The following SIPA1L1 variants were observed in gnomAD, a reference collection of about 807,000 sequenced individuals.
The protein encoded by SIPA1L1 is signal-induced proliferation-associated 1-like protein 1.
In SIPA1L1, 26 loss-of-function variants were observed where a neutral mutation model predicts 162.7. The ratio of observed to expected loss-of-function variants is 0.16; its 90% CI spans 0.12 to 0.22. The LOEUF (loss-of-function observed/expected upper bound fraction) is 0.22. Among genes scored for constraint, SIPA1L1 ranks in the 10% least tolerant of loss-of-function variants. The pLI is 1.00. For synonymous variants in SIPA1L1, 829 were observed against 837.4 expected (o/e 0.99, Z 0.17); for missense variants, 1,874 against 2,241.0 (o/e 0.84, Z 3.31).
intron 2 of SIPA1L1, among the ~76,000 whole-genome samples, chr14:71,383,864 A>G (rs1042642240): frequency 6.6e-6 from 1 of 152,148 alleles, no homozygotes; most frequent in African/African-American, 2.4e-5. Context: ...ACACATTTCA[A>G]CAGGAGATTT....
At chr14:71,565,274 T>G (rs1373481207) in intron 4 of SIPA1L1, among the ~76,000 whole-genome samples, 1 of 152,166 alleles carries the variant, frequency 6.6e-6, no homozygotes, top group Admixed American at 6.5e-5. Flanking sequence ...GGGTCAGGTG[T>G]TGTTTTTGTT....
intron 2 of SIPA1L1, among the ~76,000 whole-genome samples, chr14:71,480,183 A>G (rs2048234964): frequency 6.6e-6 from 1 of 151,628 alleles, no homozygotes; most frequent in Non-Finnish European, 1.5e-5. Flanking sequence ...CCCAGGTTCA[A>G]GCGATTCTCC....
intron 2 of SIPA1L1, among the ~76,000 whole-genome samples, chr14:71,495,111 C>G (rs2049631690): frequency 6.6e-6 from 1 of 152,120 alleles, no homozygotes; most frequent in Admixed American, 6.6e-5. Flanking sequence ...TTGTAATGCT[C>G]TTGTCTGGCT....
intron 4 of SIPA1L1, among the ~76,000 whole-genome samples, chr14:71,541,487 C>T (rs1595986366): frequency 6.6e-6 from 1 of 152,168 alleles, no homozygotes; most frequent in Non-Finnish European, 1.5e-5. Flanking sequence ...CAGCCAGAAG[C>T]GGCAGCTCAT....
chr14:71,473,708 G>A, intron 2 of SIPA1L1, among the ~76,000 whole-genome samples: 1 of 152,126 alleles, frequency 6.6e-6, no homozygotes, highest in Non-Finnish European at 1.5e-5. Context: ...TTATATAATG[G>A]TACTTTAAAA....
intron 12 of SIPA1L1, among the ~76,000 whole-genome samples, chr14:71,682,651 A>G (rs1034087369): frequency 2.0e-5 from 3 of 152,260 alleles, no homozygotes; most frequent in Non-Finnish European, 4.4e-5. Context: ...TGGGGAAGAC[A>G]GCGTCTTTGG....
At chr14:71,502,257 T>A (rs1364143200) in intron 2 of SIPA1L1, among the ~76,000 whole-genome samples, 6,021 of 94,464 alleles carry the variant, frequency 0.064, 136 homozygotes, top group Non-Finnish European at 0.097. Context: ...AAAAAAAAAA[T>A]ATATATATAT....
chr14:71,434,235 C>G (rs2044211162), intron 2 of SIPA1L1, among the ~76,000 whole-genome samples: 1 of 152,066 alleles, frequency 6.6e-6, no homozygotes, highest in African/African-American at 2.4e-5. Flanking sequence ...GACCTGAAAT[C>G]TAGTAGATGA....
At chr14:71,452,430 C>A (rs554736400) in intron 2 of SIPA1L1, among the ~76,000 whole-genome samples, 1 of 152,108 alleles carries the variant, frequency 6.6e-6, no homozygotes, top group Non-Finnish European at 1.5e-5. Flanking sequence ...TACTGAACAT[C>A]TGTTTTTGTT....
chr14:71,678,102 TTCC>T (rs1004910020), intron 12 of SIPA1L1, among the ~76,000 whole-genome samples: 4 of 152,182 alleles, frequency 2.6e-5, no homozygotes, highest in African/African-American at 9.7e-5. Flanking sequence ...ACAATTTGAC[TTCC>T]TCTTTTCCTA....
chr14:71,527,649 A>G (rs1349769147), intron 3 of SIPA1L1, among the ~76,000 whole-genome samples: 2 of 152,224 alleles, frequency 1.3e-5, no homozygotes, highest in African/African-American at 4.8e-5. Flanking sequence ...AAGCTTATTA[A>G]CTATAATGAA....
rs530714226 is a variant in SIPA1L1, at chr14:71,590,738, C to A, written c.1498+1368C>A. Among the ~76,000 whole-genome samples the A allele has an allele frequency of 3.3e-5, 5 of 152,288 alleles. No individual in the cohort carries two copies. In the East Asian group the frequency reaches 9.6e-4, roughly 29 times the overall value. ...GAAGTTTATATTTTAGAAATTACAT[C>A]TCTGTTACACTGTCCTTTAAGGTAC... On this transcript the variant is annotated intron_variant, in intron 5 of 23. Transcript: ENST00000381232.
At chr14:71,330,834 G>T (rs2034446252) in intron 2 of SIPA1L1, 1 of 602,044 alleles carries the variant, frequency 1.7e-6, no homozygotes, top group Non-Finnish European at 3.0e-6. Flanking sequence ...CACCTTATGA[G>T]ATAGATTATT....
chr14:71,572,495 G>A (rs2032264964), intron 4 of SIPA1L1, among the ~76,000 whole-genome samples: 1 of 152,172 alleles, frequency 6.6e-6, no homozygotes, highest in South Asian at 2.1e-4. Context: ...AGTGAATTAA[G>A]AAAAGAAGAA....
chr14:71,555,464 C>G (rs1292772088), intron 4 of SIPA1L1, among the ~76,000 whole-genome samples: 2 of 152,172 alleles, frequency 1.3e-5, no homozygotes, highest in Non-Finnish European at 2.9e-5. Flanking sequence ...AATGTTGTGG[C>G]TGATTTGATC....
At chr14:71,391,331 T>C (rs1372508006) in intron 2 of SIPA1L1, among the ~76,000 whole-genome samples, 1 of 152,140 alleles carries the variant, frequency 6.6e-6, no homozygotes. Context: ...GGTCTCGATC[T>C]CTTGACCTCG....
At chr14:71,536,681 A>C (rs1257229467) in intron 4 of SIPA1L1, among the ~76,000 whole-genome samples, 2 of 152,240 alleles carry the variant, frequency 1.3e-5, no homozygotes, top group African/African-American at 4.8e-5. Flanking sequence ...TTTTGGTTAT[A>C]CAACAGTAGC....
At position 71,452,911 on chromosome 14, in the gene SIPA1L1, C is replaced by T. The variant is rs528735963; in HGVS notation, c.-464-59832C>T. The stretch of plus-strand genomic sequence containing the variant: ...GATATTCACAGAAACTATTATTTTC[C>T]TCTGGTGTTCAGGATATACTGTACA... On this transcript the variant is annotated intron_variant, in intron 2 of 23. Coordinates refer to ENST00000381232, the MANE Select transcript of SIPA1L1 (RefSeq NM_001386936.1). 3.8e-4 allele frequency among the ~76,000 whole-genome samples: 58 copies of T among 152,266 alleles called. 2 individuals are homozygous for T. In the South Asian group the frequency reaches 0.011, roughly 30 times the overall value.
intron 2 of SIPA1L1, among the ~76,000 whole-genome samples, chr14:71,510,561 A>G (rs979174904): frequency 2.0e-5 from 3 of 152,124 alleles, no homozygotes; most frequent in Admixed American, 6.6e-5. Flanking sequence ...GACATTGCTC[A>G]TAAGATTATC....
Sources: gnomAD v4.1 joint callset for allele counts (sites outside exome capture counted in the v4.1 genomes callset) on GRCh38, gnomAD v4.1.1 for gene constraint, MANE v1.5 for transcripts, NCBI Gene and HGNC (gene_info 2026-07-23, HGNC 2026-07-21) for gene names.